The following KIAA0825 variants were observed in gnomAD, a reference collection of about 807,000 sequenced individuals.
KIAA0825 encodes uncharacterized protein KIAA0825.
Under a neutral mutation model 147.6 loss-of-function variants are expected in KIAA0825, and 119 were observed. The observed-to-expected ratio is 0.81, with a 90% CI of 0.69 to 0.94. The LOEUF is 0.94. KIAA0825 is among the 40% of genes least tolerant of loss of function. The probability of loss-of-function intolerance (pLI) is 0.00; values close to 1 mark genes in which losing one functional copy is unlikely to be tolerated. For synonymous variants in KIAA0825, 470 were observed against 518.1 expected (o/e 0.91, Z 1.26); for missense variants, 1,381 against 1,472.7 (o/e 0.94, Z 1.02).
chr5:94,369,828 T>G (rs1483650771), intron 20 of KIAA0825, among the ~76,000 whole-genome samples: 1 of 151,980 alleles, frequency 6.6e-6, no homozygotes, highest in Non-Finnish European at 1.5e-5. Flanking sequence ...GGAAAAAGAA[T>G]CAGTCTGGCA....
intron 20 of KIAA0825, among the ~76,000 whole-genome samples, chr5:94,262,472 C>T (rs1341272556): frequency 6.6e-6 from 1 of 152,036 alleles, no homozygotes; most frequent in Non-Finnish European, 1.5e-5. Context: ...AGTATACCTA[C>T]ACAAAGATAA....
chr5:94,159,282 G>C (rs1010656347), intron 20 of KIAA0825, among the ~76,000 whole-genome samples: 2 of 152,112 alleles, frequency 1.3e-5, no homozygotes, highest in African/African-American at 2.4e-5. Context: ...CCACTTACTA[G>C]CTGTGTGATA....
intron 20 of KIAA0825, among the ~76,000 whole-genome samples, chr5:94,164,866 G>T (rs907475998): frequency 6.6e-6 from 1 of 152,086 alleles, no homozygotes; most frequent in African/African-American, 2.4e-5. Flanking sequence ...AATCAAAATG[G>T]ATTAAAGACA....
chr5:94,483,710 T>A (rs1181875320), intron 6 of KIAA0825, among the ~76,000 whole-genome samples: 1 of 151,774 alleles, frequency 6.6e-6, no homozygotes, highest in Non-Finnish European at 1.5e-5. Context: ...GTTACCTAAA[T>A]TTCACCTGAA....
chr5:94,185,582 A>G lies in KIAA0825; in HGVS notation c.3711-31458T>C, dbSNP rs186919755. Among the ~76,000 whole-genome samples the G allele has an allele frequency of 6.2e-4, 95 of 152,168 alleles. 1 individual carries two copies. Among genetic ancestry groups the G allele is most frequent in the African/African-American group, 2.2e-3 (93 of 41,512 alleles). On this transcript the variant is annotated intron_variant, in intron 20 of 20. Coordinates refer to ENST00000682413, the MANE Select transcript of KIAA0825 (RefSeq NM_001145678.3). The stretch of plus-strand genomic sequence containing the variant: ...AAGACCCTGGAAGAATTACCCCTGC[A>G]CTCTGGTCTTATTTCAGCAATTGTA...
At chr5:94,190,741 T>C (rs1770609788) in intron 20 of KIAA0825, among the ~76,000 whole-genome samples, 1 of 152,066 alleles carries the variant, frequency 6.6e-6, no homozygotes, top group South Asian at 2.1e-4. Flanking sequence ...TATTTTGATA[T>C]GGTGAATTGA....
At chr5:94,215,547 G>A (rs2150052595) in intron 20 of KIAA0825, among the ~76,000 whole-genome samples, 2 of 152,130 alleles carry the variant, frequency 1.3e-5, no homozygotes, top group Admixed American at 6.5e-5. Flanking sequence ...ATGAGGTGAA[G>A]ATGGAAAGAA....
intron 20 of KIAA0825, among the ~76,000 whole-genome samples, chr5:94,157,609 C>T (rs1767153963): frequency 6.6e-6 from 1 of 152,184 alleles, no homozygotes; most frequent in Non-Finnish European, 1.5e-5. Context: ...CTGCCTGCTA[C>T]TCTGTATATT....
intron 20 of KIAA0825, among the ~76,000 whole-genome samples, chr5:94,304,293 G>GGGATTGT (rs1778586495): frequency 6.6e-6 from 1 of 152,082 alleles, no homozygotes; most frequent in Non-Finnish European, 1.5e-5. Context: ...TGTGGCATAA[G>GGGATTGT]TGTATGGCAG....
chr5:94,465,479 A>C (rs754416600), intron 10 of KIAA0825, among the ~76,000 whole-genome samples: 1 of 152,218 alleles, frequency 6.6e-6, no homozygotes, highest in Non-Finnish European at 1.5e-5. Context: ...CATTAAGGTA[A>C]TTTTATAAAT....
At chr5:94,309,834 A>C (rs1562367155) in intron 20 of KIAA0825, among the ~76,000 whole-genome samples, 1 of 151,600 alleles carries the variant, frequency 6.6e-6, no homozygotes, top group East Asian at 2.0e-4. Flanking sequence ...TAAATAACAG[A>C]GAGGGGTTGA....
intron 16 of KIAA0825, among the ~76,000 whole-genome samples, chr5:94,397,769 T>G (rs916542989): frequency 6.6e-6 from 1 of 152,102 alleles, no homozygotes. Flanking sequence ...ACCAAAACTG[T>G]GTCTGGTTGA....
intron 14 of KIAA0825, among the ~76,000 whole-genome samples, chr5:94,427,271 T>C (rs1184892277): frequency 6.6e-6 from 1 of 152,186 alleles, no homozygotes; most frequent in East Asian, 1.9e-4. Context: ...TGGTGGCTCA[T>C]GCCTGTAATC....
chr5:94,469,818 A>T (rs1760998360), intron 10 of KIAA0825, 143 bp downstream of exon 10: 9 of 604,016 alleles, frequency 1.5e-5, no homozygotes, highest in Non-Finnish European at 2.4e-5. Context: ...TTTCCTAAGT[A>T]TGAATTCAAT....
chr5:94,503,434 C>T (rs1377540184), intron 5 of KIAA0825, among the ~76,000 whole-genome samples: 2 of 152,146 alleles, frequency 1.3e-5, no homozygotes, highest in African/African-American at 4.8e-5. Context: ...CAGAAATGCT[C>T]CTGGTTACAT....
chr5:94,549,070 T>C (rs182427729), intron 2 of KIAA0825, among the ~76,000 whole-genome samples: 1 of 152,312 alleles, frequency 6.6e-6, no homozygotes, highest in East Asian at 1.9e-4. Flanking sequence ...ATCTGCACTA[T>C]AGAACAAATG....
At chr5:94,181,393 C>T (rs1769600150) in intron 20 of KIAA0825, among the ~76,000 whole-genome samples, 1 of 152,136 alleles carries the variant, frequency 6.6e-6, no homozygotes, top group Non-Finnish European at 1.5e-5. Flanking sequence ...TATTTAAAAG[C>T]CCCTCTGATT....
intron 14 of KIAA0825, among the ~76,000 whole-genome samples, chr5:94,424,852 T>C (rs1359403241): frequency 1.3e-5 from 2 of 152,094 alleles, no homozygotes; most frequent in African/African-American, 4.8e-5. Context: ...TCAGAGATTA[T>C]TATGAATAGC....
At chr5:94,290,586 A>G (rs918238986) in intron 20 of KIAA0825, among the ~76,000 whole-genome samples, 4 of 152,318 alleles carry the variant, frequency 2.6e-5, no homozygotes, top group Admixed American at 6.5e-5. Flanking sequence ...TAGTGCTGCA[A>G]TAAACATCCA....
Sources: allele counts gnomAD v4.1 joint callset (sites outside exome capture counted in the v4.1 genomes callset), GRCh38; gene constraint gnomAD v4.1.1; transcripts MANE v1.5; gene names NCBI Gene and HGNC (gene_info 2026-07-23, HGNC 2026-07-21).